ULK2: variants seen among roughly 807,000 people sequenced by gnomAD.
ULK2 encodes unc-51 like autophagy activating kinase 2.
A neutral mutation model predicts 127.5 loss-of-function variants in ULK2; 76 were observed. The ratio of observed to expected loss-of-function variants is 0.60; its 90% confidence interval spans 0.50 to 0.72. The LOEUF (loss-of-function observed/expected upper bound fraction) is 0.72, where lower values mean the gene tolerates loss of function less well. Ranked by LOEUF, ULK2 falls within the 30% of genes least tolerant of loss-of-function variation. The probability of loss-of-function intolerance (pLI) is 0.00; values close to 1 mark genes in which losing one functional copy is unlikely to be tolerated. For synonymous variants in ULK2, 452 were observed against 461.9 expected, an observed-to-expected ratio of 0.98 and a Z score of 0.28; for missense variants, 1,144 against 1,295.9, an observed-to-expected ratio of 0.88 and a Z score of 1.80.
At chr17:19,865,268 T>C (rs1463837176) in intron 2 of ULK2, among the ~76,000 whole-genome samples, 1 of 152,212 alleles carries the variant, frequency 6.6e-6, no homozygotes, top group Non-Finnish European at 1.5e-5. Flanking sequence ...TTTCCAAACG[T>C]ACTCAACCAT....
At position 19,804,707 on chromosome 17, in the gene ULK2, T is replaced by G. The variant is rs1597737019; in HGVS notation, c.1281A>C (p.Val427=). The change falls in exon 15 of 27, where the codon GTA becomes GTC. Residue 427 remains valine (V), a synonymous_variant. Transcript: ENST00000395544. ...TACTAACTTACCTTGGAGAACCATG[T>G]ACATTTGTGCCTGAGCTGGCAGTAG... is the stretch of plus-strand genomic sequence containing the variant. ...LTSTASSGTN[V]HGSPRSAVVR... is the part of the protein sequence containing the mutation. 6.2e-7 allele frequency: 1 copy of G among 1,607,664 alleles called. No homozygotes were observed. Among genetic ancestry groups the G allele is most frequent in the African/African-American group, 1.3e-5 (1 of 74,912 alleles).
chr17:19,795,779 G>T (rs2087255841), intron 19 of ULK2, 54 bp from the exon 20 acceptor site: 1 of 1,519,976 alleles, frequency 6.6e-7, no homozygotes, highest in Non-Finnish European at 9.1e-7. Flanking sequence ...TTTAAAACTA[G>T]AAGGGTTAAT....
At chr17:19,864,610 C>T (rs1481624629) in intron 3 of ULK2, among the ~76,000 whole-genome samples, 193 bp downstream of exon 3, 1 of 152,162 alleles carries the variant, frequency 6.6e-6, no homozygotes, top group Non-Finnish European at 1.5e-5. Flanking sequence ...TAAACTTACT[C>T]ATGCAGCAAA....
Position 19,849,735 on chromosome 17 carries a change from T to C in ULK2, c.258+7A>G. 1 of 1,488,148 alleles carries C rather than the reference T, an allele frequency of 6.7e-7. No individual in the cohort carries two copies. The highest frequency in any genetic ancestry group is 9.1e-7 in the Non-Finnish European group (1 of 1,098,604). The allele number at this position is 1,488,148 out of a possible 1,614,324, so 92.2% of individuals were successfully genotyped here. On this transcript the variant is annotated splice_region_variant and intron_variant, in intron 4 of 26. Transcript: ENST00000395544. ...ATAAATTAAACAGAAGTTTGTATAC[T>C]ACCTACCTCCATCACCAAAAAGACA...
intron 13 of ULK2, among the ~76,000 whole-genome samples, chr17:19,813,234 G>A (rs1326547139): frequency 6.6e-6 from 1 of 152,124 alleles, no homozygotes; most frequent in African/African-American, 2.4e-5. Context: ...CTTGCTTGCT[G>A]TCAATGAGAC....
intron 21 of ULK2, among the ~76,000 whole-genome samples, chr17:19,785,722 AT>A (rs2087014373): frequency 6.6e-6 from 1 of 151,922 alleles, no homozygotes; most frequent in East Asian, 1.9e-4. Flanking sequence ...AATATATAAT[AT>A]AGCACTTTAC....
chr17:19,780,710 T>TA (rs1374042822), intron 24 of ULK2, 81 bp from the exon 25 acceptor site: 1 of 1,413,388 alleles, frequency 7.1e-7, no homozygotes, highest in Non-Finnish European at 9.5e-7. Context: ...TTCCTGCTGA[T>TA]ATATAGGGAA....
intron 10 of ULK2, among the ~76,000 whole-genome samples, chr17:19,833,124 A>G (rs1180148498): frequency 3.8e-5 from 1 of 25,996 alleles, no homozygotes; most frequent in Admixed American, 4.2e-4. Context: ...CTTTGTCTCA[A>G]AGGAAAAAAA....
chr17:19,846,990 T>G, intron 5 of ULK2, 80 bp from the exon 6 acceptor site: 1 of 1,373,818 alleles, frequency 7.3e-7, no homozygotes, highest in Non-Finnish European at 9.7e-7. Flanking sequence ...AGGATTGGGT[T>G]GTGAAGGAGA....
At chr17:19,805,888 T>C (rs947703306) in intron 14 of ULK2, among the ~76,000 whole-genome samples, 2 of 152,232 alleles carry the variant, frequency 1.3e-5, no homozygotes, top group Non-Finnish European at 2.9e-5. Context: ...AACCACTCTA[T>C]AGTTAGGACC....
chr17:19,845,926 C>T (rs753897018), intron 6 of ULK2, among the ~76,000 whole-genome samples: 11 of 150,760 alleles, frequency 7.3e-5, no homozygotes, highest in South Asian at 2.1e-4. Context: ...CTGGCCAACA[C>T]GGTGAAACCC....
chr17:19,865,282 C>A (rs1335458164), intron 2 of ULK2, among the ~76,000 whole-genome samples: 3 of 152,294 alleles, frequency 2.0e-5, no homozygotes, highest in South Asian at 4.1e-4. Flanking sequence ...CAACCATCTT[C>A]TCAAACCATC....
intron 14 of ULK2, among the ~76,000 whole-genome samples, chr17:19,806,646 G>A (rs2087522115): frequency 6.6e-6 from 1 of 152,184 alleles, no homozygotes; most frequent in African/African-American, 2.4e-5. Context: ...GACAACTGCA[G>A]CCATTTTCCT....
At chr17:19,778,673 T>G (rs2152380872) in intron 25 of ULK2, among the ~76,000 whole-genome samples, 1 of 152,318 alleles carries the variant, frequency 6.6e-6, no homozygotes, top group South Asian at 2.1e-4. Flanking sequence ...TAGACTAATC[T>G]TGAACTCCTG....
At chr17:19,807,830 G>C (rs1231299529) in intron 14 of ULK2, among the ~76,000 whole-genome samples, 3 of 152,148 alleles carry the variant, frequency 2.0e-5, no homozygotes, top group Non-Finnish European at 4.4e-5. Context: ...GCTACTCAAG[G>C]GGCGCCTTAG....
intron 3 of ULK2, among the ~76,000 whole-genome samples, chr17:19,852,206 C>G (rs2042032068): frequency 6.7e-6 from 1 of 149,026 alleles, no homozygotes; most frequent in African/African-American, 2.5e-5. Context: ...GCTTGAGCAA[C>G]AGAGCAAGAC....
At chr17:19,804,970 T>A (rs1189785271) in intron 14 of ULK2, 140 bp from the exon 15 acceptor site, 2 of 991,920 alleles carry the variant, frequency 2.0e-6, no homozygotes, top group East Asian at 3.1e-5. Context: ...AATGATCTTG[T>A]TAAAAAATAT....
chr17:19,849,676 C>T, intron 4 of ULK2, 66 bp downstream of exon 4: 1 of 1,100,740 alleles, frequency 9.1e-7, no homozygotes, highest in South Asian at 1.7e-5. Context: ...CAGATTTATG[C>T]TAGAATCTAA....
At chr17:19,792,743 C>CA (rs573726880) in intron 20 of ULK2, among the ~76,000 whole-genome samples, 7,794 of 150,740 alleles carry the variant, frequency 0.052, 280 homozygotes, top group Non-Finnish European at 0.079. Flanking sequence ...AAAAAACAAA[C>CA]AAAAAAAAAC....
Sources: gnomAD v4.1 joint callset for allele counts (sites outside exome capture counted in the v4.1 genomes callset) on GRCh38, gnomAD v4.1.1 for gene constraint, MANE v1.5 for transcripts, NCBI Gene and HGNC (gene_info 2026-07-23, HGNC 2026-07-21) for gene names.